Variants in KCNH7 observed in about 807,000 individuals in gnomAD.
The protein encoded by KCNH7 is potassium voltage-gated channel subfamily H member 7, also known as voltage-gated inwardly rectifying potassium channel KCNH7.
KCNH7 carries 49 observed loss-of-function variants against 120.8 expected under a neutral mutation model. That is an observed-to-expected ratio of 0.41 (90% CI 0.32 to 0.51). KCNH7 has a LOEUF of 0.51. Among genes scored for constraint, KCNH7 ranks in the 20% least tolerant of loss-of-function variants. The pLI is 0.38. For missense variants in KCNH7, 1,097 were observed against 1,446.6 expected (o/e 0.76, Z 3.92); for synonymous variants, 547 against 516.1 (o/e 1.06, Z -0.81).
At chr2:162,602,778 AG>A (rs1694600470) in intron 2 of KCNH7, among the ~76,000 whole-genome samples, 1 of 151,992 alleles carries the variant, frequency 6.6e-6, no homozygotes, top group African/African-American at 2.4e-5. Flanking sequence ...AGGCCAGTAA[AG>A]GGGAAATAAG....
chr2:162,587,175 G>A (rs888950613), intron 2 of KCNH7, among the ~76,000 whole-genome samples: 4 of 151,980 alleles, frequency 2.6e-5, no homozygotes, highest in African/African-American at 9.7e-5. Context: ...TCATATTTAT[G>A]AATGACCTGC....
intron 2 of KCNH7, among the ~76,000 whole-genome samples, chr2:162,809,476 T>C (rs1275366013): frequency 1.3e-5 from 2 of 152,168 alleles, no homozygotes; most frequent in Non-Finnish European, 2.9e-5. Context: ...TCTATTGATA[T>C]GTAACCTAAC....
intron 2 of KCNH7, among the ~76,000 whole-genome samples, chr2:162,811,606 T>C (rs564272466): frequency 1.6e-4 from 24 of 152,172 alleles, no homozygotes; most frequent in African/African-American, 5.1e-4. Flanking sequence ...GTTTGAAAAA[T>C]AGGAAACATA....
intron 2 of KCNH7, among the ~76,000 whole-genome samples, chr2:162,800,515 T>C (rs1472153695): frequency 1.3e-5 from 2 of 151,732 alleles, no homozygotes; most frequent in African/African-American, 4.8e-5. Context: ...TCACAATACC[T>C]CAAGCTCTAA....
chr2:162,509,754 AT>A (rs1472171649), intron 5 of KCNH7, among the ~76,000 whole-genome samples: 1 of 151,564 alleles, frequency 6.6e-6, no homozygotes, highest in Non-Finnish European at 1.5e-5. Context: ...TATTAGATTC[AT>A]TTATTTCATT....
intron 2 of KCNH7, among the ~76,000 whole-genome samples, chr2:162,582,552 T>C (rs1490232759): frequency 6.6e-6 from 1 of 152,116 alleles, no homozygotes; most frequent in East Asian, 1.9e-4. Context: ...TAATTTTTCA[T>C]GACTCAGCTT....
rs993397632 is a variant in KCNH7, at chr2:162,500,233, T to A, written c.1128+4210A>T. ...TATACAATATAATATATAATATGTA[T>A]GTTACATATACACATACTATGTATG... On this transcript the variant is annotated intron_variant, in intron 6 of 15. Coordinates refer to ENST00000332142, the MANE Select transcript of KCNH7 (RefSeq NM_033272.4). 2.0e-5 allele frequency among the ~76,000 whole-genome samples: 3 copies of A among 148,036 alleles called. No homozygotes were observed. In the Admixed American group the frequency reaches 2.0e-4, roughly 10 times the overall value.
intron 2 of KCNH7, among the ~76,000 whole-genome samples, chr2:162,732,092 G>C (rs1172206380): frequency 6.6e-6 from 1 of 152,134 alleles, no homozygotes; most frequent in Non-Finnish European, 1.5e-5. Context: ...TGTGGCCATA[G>C]GGATATCACT....
chr2:162,776,460 G>A (rs574360065), intron 2 of KCNH7, among the ~76,000 whole-genome samples: 2 of 152,114 alleles, frequency 1.3e-5, no homozygotes, highest in South Asian at 2.1e-4. Context: ...CCAAATATAA[G>A]TCAAAAAATA....
intron 2 of KCNH7, among the ~76,000 whole-genome samples, chr2:162,712,244 A>T (rs527249693): frequency 1.3e-5 from 2 of 152,240 alleles, no homozygotes; most frequent in South Asian, 4.1e-4. Flanking sequence ...TGAGAATCAC[A>T]GAAAATTGCC....
chr2:162,726,368 A>G (rs958811557), intron 2 of KCNH7, among the ~76,000 whole-genome samples: 5 of 152,194 alleles, frequency 3.3e-5, no homozygotes, highest in African/African-American at 1.2e-4. Flanking sequence ...TACAAGTATT[A>G]TTATAAACTC....
chr2:162,478,043 A>G (rs1202867759), intron 6 of KCNH7, among the ~76,000 whole-genome samples: 2 of 152,248 alleles, frequency 1.3e-5, no homozygotes, highest in Admixed American at 6.5e-5. Flanking sequence ...AAAGGAAGGC[A>G]CTGTGAAAGT....
intron 2 of KCNH7, among the ~76,000 whole-genome samples, chr2:162,749,636 G>A (rs1223167036): frequency 1.3e-5 from 2 of 152,130 alleles, no homozygotes; most frequent in Non-Finnish European, 2.9e-5. Flanking sequence ...AGTAGCTGAC[G>A]TTTGACCAAA....
At chr2:162,711,983 TC>T (rs537657013) in intron 2 of KCNH7, among the ~76,000 whole-genome samples, 341 of 152,286 alleles carry the variant, frequency 2.2e-3, no homozygotes, top group African/African-American at 7.9e-3. Context: ...TCTGTCTTTT[TC>T]CCTTTTTCAT....
At chr2:162,796,991 T>C (rs1001840138) in intron 2 of KCNH7, 1 of 152,062 alleles carries the variant, frequency 6.6e-6, no homozygotes, top group African/African-American at 2.4e-5. Context: ...GTCACAAGGA[T>C]ACGTAGATTT....
chr2:162,823,085 C>G (rs1419968925), intron 2 of KCNH7, among the ~76,000 whole-genome samples: 1 of 152,162 alleles, frequency 6.6e-6, no homozygotes, highest in African/African-American at 2.4e-5. Flanking sequence ...CAGTAGAGTG[C>G]TGAGCACACA....
intron 2 of KCNH7, among the ~76,000 whole-genome samples, chr2:162,575,373 C>T (rs1332271503): frequency 1.3e-4 from 20 of 152,034 alleles, no homozygotes; most frequent in African/African-American, 4.8e-4. Flanking sequence ...CTAGAATATT[C>T]TTTCACAGGG....
intron 2 of KCNH7, among the ~76,000 whole-genome samples, chr2:162,747,631 T>C (rs1178419315): frequency 6.6e-6 from 1 of 152,160 alleles, no homozygotes; most frequent in East Asian, 1.9e-4. Flanking sequence ...AAGACTGGCT[T>C]GCTAATTGAA....
chr2:162,394,688 C>G (rs550170183), intron 11 of KCNH7, among the ~76,000 whole-genome samples: 1 of 151,982 alleles, frequency 6.6e-6, no homozygotes, highest in Admixed American at 6.6e-5. Flanking sequence ...TTAGTACTTT[C>G]ACCATTTGCT....
Sources: allele counts gnomAD v4.1 joint callset (sites outside exome capture counted in the v4.1 genomes callset), GRCh38; gene constraint gnomAD v4.1.1; transcripts MANE v1.5; gene names NCBI Gene and HGNC (gene_info 2026-07-23, HGNC 2026-07-21).